Variants in PCDH11X observed in about 807,000 individuals in gnomAD.
PCDH11X encodes the protein protocadherin-11 X-linked.
Under a neutral mutation model 53.3 loss-of-function variants are expected in PCDH11X, and 18 were observed. The ratio of observed to expected loss-of-function variants is 0.34; its 90% CI spans 0.23 to 0.50. The LOEUF (loss-of-function observed/expected upper bound fraction) is 0.50. Among genes scored for constraint, PCDH11X ranks in the 20% least tolerant of loss-of-function variants. PCDH11X has a pLI of 0.98. For synonymous variants in PCDH11X, 279 were observed against 393.3 expected, an observed-to-expected ratio of 0.71 and a Z score of 3.44; for missense variants, 570 against 1,032.4, an observed-to-expected ratio of 0.55 and a Z score of 6.14.
chrX:91,931,300 T>C (rs1347158069), intron 6 of PCDH11X, among the ~76,000 whole-genome samples: 1 of 110,990 alleles, frequency 9.0e-6, no homozygotes, highest in Non-Finnish European at 1.9e-5. Context: ...TATTTGCATG[T>C]TGGTCTGGCA....
At chrX:92,262,186 T>C (rs2067730982) in intron 7 of PCDH11X, among the ~76,000 whole-genome samples, 1 of 111,474 alleles carries the variant, frequency 9.0e-6, no homozygotes, top group South Asian at 3.7e-4. Flanking sequence ...TTGACTCTAT[T>C]TCTCTTAGTA....
intron 6 of PCDH11X, among the ~76,000 whole-genome samples, chrX:92,112,352 A>G (rs2064537365): frequency 9.4e-6 from 1 of 106,905 alleles, no homozygotes; most frequent in South Asian, 4.0e-4. Context: ...AAAAAAAAGT[A>G]TAGTCATCAT....
intron 5 of PCDH11X, among the ~76,000 whole-genome samples, chrX:91,868,349 C>G (rs952122967): frequency 8.9e-6 from 1 of 111,875 alleles, no homozygotes; most frequent in African/African-American, 3.2e-5. Context: ...ATTATGACGT[C>G]CATTTAATCA....
chrX:92,442,171 T>A (rs1196060019), intron 9 of PCDH11X, among the ~76,000 whole-genome samples: 1 of 111,166 alleles, frequency 9.0e-6, no homozygotes, highest in African/African-American at 3.3e-5. Flanking sequence ...TGCTTTTGAT[T>A]TTACACACTC....
intron 6 of PCDH11X, among the ~76,000 whole-genome samples, chrX:91,916,625 A>G (rs1941573548): frequency 9.1e-6 from 1 of 110,296 alleles, no homozygotes; most frequent in Non-Finnish European, 1.9e-5. Flanking sequence ...AATTGGGAAG[A>G]AATAGAAACT....
chrX:91,822,126 T>TG (rs1360799539), intron 4 of PCDH11X, among the ~76,000 whole-genome samples: 1 of 110,277 alleles, frequency 9.1e-6, no homozygotes, highest in Admixed American at 9.6e-5. Flanking sequence ...GATATTGGTC[T>TG]AAAATTCTCT....
At chrX:92,363,013 ATC>A (rs2070382448) in intron 8 of PCDH11X, among the ~76,000 whole-genome samples, 1 of 110,325 alleles carries the variant, frequency 9.1e-6, no homozygotes, top group African/African-American at 3.3e-5. Context: ...TGGTCTATTT[ATC>A]TGTCTTTATT....
At chrX:92,382,653 A>C (rs965432391) in intron 8 of PCDH11X, among the ~76,000 whole-genome samples, 1 of 111,785 alleles carries the variant, frequency 8.9e-6, no homozygotes, top group African/African-American at 3.3e-5. Context: ...ATTTTGATTC[A>C]TTTGAGCTAA....
chrX:91,865,674 G>T (rs1458355201), intron 5 of PCDH11X, among the ~76,000 whole-genome samples: 1 of 112,034 alleles, frequency 8.9e-6, no homozygotes, highest in Non-Finnish European at 1.9e-5. Context: ...TCTCCCTGCT[G>T]TTCTATTGTA....
intron 1 of PCDH11X, among the ~76,000 whole-genome samples, chrX:91,806,731 A>G (rs1816668049): frequency 8.9e-6 from 1 of 112,138 alleles, no homozygotes; most frequent in Non-Finnish European, 1.9e-5. Context: ...AAACAACAAA[A>G]AAATCTTCAG....
intron 10 of PCDH11X, among the ~76,000 whole-genome samples, chrX:92,589,905 A>T (rs2148796241): frequency 8.9e-6 from 1 of 112,036 alleles, no homozygotes; most frequent in African/African-American, 3.2e-5. Context: ...AGTCCTGCTG[A>T]GGCGCAGACA....
intron 8 of PCDH11X, among the ~76,000 whole-genome samples, chrX:92,331,753 C>A (rs1172601292): frequency 2.7e-5 from 3 of 110,758 alleles, no homozygotes; most frequent in Non-Finnish European, 5.7e-5. Flanking sequence ...CCAATTTACA[C>A]CTTAAAACAT....
At chrX:91,836,647 T>C (rs1430424618) in intron 5 of PCDH11X, among the ~76,000 whole-genome samples, 1 of 111,636 alleles carries the variant, frequency 9.0e-6, no homozygotes, top group African/African-American at 3.3e-5. Context: ...CTGTTAATGT[T>C]AAATATTTTC....
intron 6 of PCDH11X, among the ~76,000 whole-genome samples, chrX:91,928,404 A>G (rs1373517811): frequency 9.7e-6 from 1 of 103,253 alleles, no homozygotes; most frequent in Non-Finnish European, 2.0e-5. Context: ...TAAATTTATT[A>G]GGCATGATGA....
At chrX:92,588,372 G>GTA (rs35507950) in intron 10 of PCDH11X, among the ~76,000 whole-genome samples, 34,622 of 97,461 alleles carry the variant, frequency 0.36, 5,520 homozygotes, top group African/African-American at 0.55. Flanking sequence ...GTGTGTGTGT[G>GTA]TATATATATA....
At chrX:92,141,337 T>TA (rs922420996) in intron 6 of PCDH11X, among the ~76,000 whole-genome samples, 2 of 111,285 alleles carry the variant, frequency 1.8e-5, no homozygotes, top group African/African-American at 6.5e-5. Flanking sequence ...TATGGGCCCA[T>TA]ACCTTGTCTG....
At chrX:92,511,268 C>A (rs1259334678) in intron 10 of PCDH11X, among the ~76,000 whole-genome samples, 1 of 111,535 alleles carries the variant, frequency 9.0e-6, no homozygotes, top group East Asian at 2.8e-4. Context: ...CAGGAAGAGA[C>A]AGTTGCATGG....
chrX:92,069,080 TCTAA>T (rs1159873440), intron 6 of PCDH11X, among the ~76,000 whole-genome samples: 1 of 109,869 alleles, frequency 9.1e-6, no homozygotes, highest in African/African-American at 3.3e-5. Context: ...GGGTGAAGTC[TCTAA>T]CTATTATTGT....
chrX:92,213,561 C>G (rs1197551421), intron 7 of PCDH11X, among the ~76,000 whole-genome samples: 1 of 111,697 alleles, frequency 9.0e-6, no homozygotes, highest in Non-Finnish European at 1.9e-5. Flanking sequence ...CATAATGGCT[C>G]CTCAGCAAAC....
Sources: allele counts gnomAD v4.1 joint callset (sites outside exome capture counted in the v4.1 genomes callset), GRCh38; gene constraint gnomAD v4.1.1; transcripts MANE v1.5; gene names NCBI Gene and HGNC (gene_info 2026-07-23, HGNC 2026-07-21).